ASGR1: variants seen among roughly 807,000 people sequenced by gnomAD.
ASGR1 encodes asialoglycoprotein receptor 1, also known as C-type lectin domain family 4 member H1.
A neutral mutation model predicts 33.1 loss-of-function variants in ASGR1; 35 were observed. That is an observed-to-expected ratio of 1.06 (90% CI 0.81 to 1.40). The LOEUF (loss-of-function observed/expected upper bound fraction) is 1.40, where lower values mean the gene tolerates loss of function less well. ASGR1 is among the 40% of genes most tolerant of loss of function. The probability of loss-of-function intolerance (pLI) is 0.00; values close to 1 mark genes in which losing one functional copy is unlikely to be tolerated. For missense variants in ASGR1, 396 were observed against 373.7 expected (o/e 1.06, Z -0.49); for synonymous variants, 142 against 152.5 (o/e 0.93, Z 0.51).
intron 4 of ASGR1, 35 bp from the exon 5 acceptor site, chr17:7,176,936 C>CCCCCAG (rs754165241): frequency 3.3e-4 from 528 of 1,608,488 alleles, no homozygotes; most frequent in Non-Finnish European, 3.9e-4. Context: ...TCCCGACAGC[C>CCCCCAG]CCCCAGCCCC....
At chr17:7,175,342 ACC>A (rs2069184319) in intron 5 of ASGR1, among the ~76,000 whole-genome samples, 1 of 144,442 alleles carries the variant, frequency 6.9e-6, no homozygotes, top group South Asian at 2.2e-4. Flanking sequence ...ACACACCTTC[ACC>A]CACACACACA....
At position 7,173,799 on chromosome 17, in the gene ASGR1, C is replaced by G; in HGVS notation, c.736G>C (p.Gly246Arg). ...WRPEQPDDWY[G>R]HGLGGGEDCA... ...TCCTCGCCTCCTCCGAGCCCGTGGC[C>G]GTACCAGTCGTCCGGCTGCTCCGGC... Residue 246 changes from glycine to arginine, a missense_variant, in exon 9 of 9, where the codon GGC (glycine) becomes CGC (arginine). By Grantham distance (125) the Gly-to-Arg change is moderately radical. Transcript: ENST00000269299. This position sits in a 1 kb window ranked among gnomAD's most constrained non-coding sequence, Gnocchi z 4.7. 1 of 1,611,936 alleles carries G rather than the reference C, an allele frequency of 6.2e-7. No individual in the cohort carries two copies. The highest frequency in any genetic ancestry group is 2.2e-5 in the East Asian group (1 of 44,876).
In ASGR1 at chr17:7,176,980, C is replaced by T; in HGVS notation, c.283+1G>A. 5 of 1,608,804 alleles carry T rather than the reference C, an allele frequency of 3.1e-6. No homozygotes were observed. The highest frequency in any genetic ancestry group is 4.2e-6 in the Non-Finnish European group (5 of 1,179,090). On this transcript the variant is annotated splice_donor_variant, in intron 4 of 8. Coordinates refer to ENST00000269299, the MANE Select transcript of ASGR1 (RefSeq NM_001671.5). LOFTEE classifies it high-confidence loss of function. ...CCCCAGCCCCGCCCCAGCGCCCTCACCCTGGGTGCTCAAGCCCTTGACCTG... is the reference window on the plus strand; with the variant it reads ...CCCCAGCCCCGCCCCAGCGCCCTCATCCTGGGTGCTCAAGCCCTTGACCTG...
At chr17:7,178,649 G>A in intron 1 of ASGR1, 61 bp from the exon 2 acceptor site, 1 of 1,202,150 alleles carries the variant, frequency 8.3e-7, no homozygotes, top group East Asian at 2.5e-5. Context: ...GTGGGAATGA[G>A]GGGCCCATCT....
At chr17:7,176,576 AC>A in intron 5 of ASGR1, 2 of 560,014 alleles carry the variant, frequency 3.6e-6, no homozygotes, top group South Asian at 2.1e-5. Context: ...ATTCTCACAC[AC>A]AGACTCACAC....
chr17:7,173,949 G>C lies in ASGR1; in HGVS notation c.701+12C>G. Reference sequence around the variant, plus strand: ...GCGGCCGGACCCAGGCCGAGGGAGGGCGCGCACTCACTTGAAGCCCGTCTC... The same window carrying C: ...GCGGCCGGACCCAGGCCGAGGGAGGCCGCGCACTCACTTGAAGCCCGTCTC... On this transcript the variant is annotated intron_variant, in intron 8 of 8. Transcript: ENST00000269299. This position sits in a 1 kb window ranked among gnomAD's most constrained non-coding sequence, Gnocchi z 4.7. The C allele has an allele frequency of 6.2e-7, 1 of 1,614,064 alleles. No homozygotes were observed. The highest frequency in any genetic ancestry group is 8.5e-7 in the Non-Finnish European group (1 of 1,179,954).
At chr17:7,175,489 C>CCACA (rs370976819) in intron 5 of ASGR1, among the ~76,000 whole-genome samples, 10 of 150,548 alleles carry the variant, frequency 6.6e-5, no homozygotes, top group Non-Finnish European at 1.5e-4. Flanking sequence ...ACTACACACA[C>CCACA]CACACACACT....
At position 7,174,380 on chromosome 17, in the gene ASGR1, C is replaced by T; in HGVS notation, c.436G>A (p.Gly146Ser). The T allele has an allele frequency of 1.2e-6, 2 of 1,614,014 alleles. No individual in the cohort carries two copies. Among genetic ancestry groups the T allele is most frequent in the Non-Finnish European group, 8.5e-7 (1 of 1,179,974 alleles). ...GCCGGGCTGGCCTCCTTACCATTGC[C>T]CTGGAGCGCCGCCATCTGACAGCTC... ...SLSCQMAALQ[G>S]NGSERTCCPV... The change falls in exon 6 of 9, where the codon GGC (glycine) becomes AGC (serine). Residue 146 changes from glycine (G) to serine (S), a missense_variant. Physicochemically the swap from Gly to Ser is moderately conservative, Grantham distance 56 (BLOSUM62 0). Transcript: ENST00000269299.
chr17:7,176,285 T>C (rs2069205763), intron 5 of ASGR1, among the ~76,000 whole-genome samples: 1 of 130,430 alleles, frequency 7.7e-6, no homozygotes, highest in South Asian at 2.6e-4. Flanking sequence ...ACACCCCATC[T>C]CATTCTCACA....
At chr17:7,177,401 G>A in intron 2 of ASGR1, 75 bp from the exon 3 acceptor site, 2 of 1,221,474 alleles carry the variant, frequency 1.6e-6, no homozygotes, top group Non-Finnish European at 2.3e-6. Context: ...TAAAAGGGTA[G>A]CAAGCTAAGG....
Position 7,178,528 on chromosome 17 carries a change from G to A in ASGR1, c.36C>T (p.Asp12=). ...GCTGATGGTGGTCACTCTCCTCATTGTCCAGATGCTGAAGGTCTTGATACT... is the reference window on the plus strand; with the variant it reads ...GCTGATGGTGGTCACTCTCCTCATTATCCAGATGCTGAAGGTCTTGATACT... ...TKEYQDLQHL[D]NEESDHHQLR... Residue 12 remains aspartate, a synonymous_variant, in exon 2 of 9, where the codon GAC becomes GAT. Transcript: ENST00000269299. 1 of 1,614,088 alleles carries A rather than the reference G, an allele frequency of 6.2e-7. No individual in the cohort carries two copies. The highest frequency in any genetic ancestry group is 2.2e-5 in the East Asian group (1 of 44,874).
intron 5 of ASGR1, 27 bp downstream of exon 5, chr17:7,176,803 C>T (rs765751526): frequency 1.9e-6 from 3 of 1,608,698 alleles, no homozygotes; most frequent in South Asian, 1.1e-5. Context: ...CACACACACA[C>T]ACACACACAC....
At position 7,173,790 on chromosome 17, in the gene ASGR1, G is replaced by T. The variant is rs148446198; in HGVS notation, c.745C>A (p.Leu249Ile). Residue 249 changes from leucine (L) to isoleucine (I), a missense_variant, in exon 9 of 9, where the codon CTC becomes ATC. Coordinates refer to ENST00000269299, the MANE Select transcript of ASGR1 (RefSeq NM_001671.5). The surrounding 1 kb of genome is among the most constrained non-coding windows in gnomAD (Gnocchi z 4.7). ...EQPDDWYGHG[L>I]GGGEDCAHFT... is the part of the protein sequence containing the mutation. ...TGGGCACAGTCCTCGCCTCCTCCGA[G>T]CCCGTGGCCGTACCAGTCGTCCGGC... is the stretch of plus-strand genomic sequence containing the variant. The T allele has an allele frequency of 6.2e-7, 1 of 1,612,432 alleles. No homozygotes were observed. Among genetic ancestry groups the T allele is most frequent in the Non-Finnish European group, 8.5e-7 (1 of 1,179,900 alleles).
chr17:7,176,129 C>T (rs111067481), intron 5 of ASGR1, among the ~76,000 whole-genome samples: 2,542 of 138,976 alleles, frequency 0.018, 77 homozygotes, highest in African/African-American at 0.078. Flanking sequence ...CAGACTCTGT[C>T]ACACACACAC....
chr17:7,174,477 G>C lies in ASGR1; in HGVS notation c.356-17C>G. On this transcript the variant is annotated splice_polypyrimidine_tract_variant and intron_variant, in intron 5 of 8. Coordinates refer to ENST00000269299, the MANE Select transcript of ASGR1 (RefSeq NM_001671.5). ...TGGAGTGATCTGGGGAGACCGGGCG[G>C]AGGGGAGCGGGAGGAGATGCGGAAA... 6.2e-7 allele frequency: 1 copy of C among 1,608,992 alleles called. No homozygotes were observed. Among genetic ancestry groups the C allele is most frequent in the Non-Finnish European group, 8.5e-7 (1 of 1,177,712 alleles).
chr17:7,176,362 A>AC lies in ASGR1; in HGVS notation c.355+467dup, dbSNP rs540632627. Among the ~76,000 whole-genome samples the AC allele has an allele frequency of 1.7e-3, 250 of 145,826 alleles. 1 individual carries two copies. Among genetic ancestry groups the AC allele is most frequent in the Non-Finnish European group, 2.5e-3 (167 of 66,700 alleles). On this transcript the variant is annotated intron_variant, in intron 5 of 8. Coordinates refer to ENST00000269299, the MANE Select transcript of ASGR1 (RefSeq NM_001671.5). Reference sequence around the variant, plus strand: ...CACTCTCACACTCACAGACACACACACCCCATCTCATTCTTACACTCAGAC... The same window carrying AC: ...CACTCTCACACTCACAGACACACACACCCCCATCTCATTCTTACACTCAGAC...
At chr17:7,176,668 C>T (rs1344461690) in intron 5 of ASGR1, 162 bp downstream of exon 5, 1 of 1,047,850 alleles carries the variant, frequency 9.5e-7, no homozygotes, top group Admixed American at 2.2e-5. Context: ...CATACACACA[C>T]CCAAAACACA....
At chr17:7,178,382 G>A (rs2069240415) in intron 2 of ASGR1, 112 bp downstream of exon 2, 1 of 1,127,526 alleles carries the variant, frequency 8.9e-7, no homozygotes. Context: ...TTGGGGGAGG[G>A]AGACAGACCC....
intron 5 of ASGR1, among the ~76,000 whole-genome samples, chr17:7,175,855 C>CTT (rs2069194664): frequency 7.0e-6 from 1 of 142,780 alleles, no homozygotes; most frequent in African/African-American, 2.9e-5. Context: ...CATTCTCACA[C>CTT]ACACTCCCAC....
Sources: allele counts gnomAD v4.1 joint callset (sites outside exome capture counted in the v4.1 genomes callset), GRCh38; gene constraint gnomAD v4.1.1; non-coding constraint Gnocchi (gnomAD v3.1); transcripts MANE v1.5; gene names NCBI Gene and HGNC (gene_info 2026-07-23, HGNC 2026-07-21).